Variants in SLC25A21 observed in about 807,000 individuals in gnomAD.
The protein encoded by SLC25A21 is mitochondrial 2-oxodicarboxylate carrier.
A neutral mutation model predicts 43.8 loss-of-function variants in SLC25A21; 47 were observed. That is an observed-to-expected ratio of 1.07 (90% CI 0.85 to 1.37). The LOEUF is 1.37. Ranked by LOEUF, SLC25A21 falls within the 40% of genes most tolerant of loss-of-function variation. SLC25A21 has a pLI of 0.00. For missense variants in SLC25A21, 352 were observed against 350.2 expected (o/e 1.00, Z -0.04); for synonymous variants, 131 against 121.3 (o/e 1.08, Z -0.52).
chr14:36,968,236 T>C (rs994844645), intron 1 of SLC25A21, among the ~76,000 whole-genome samples: 1 of 152,176 alleles, frequency 6.6e-6, no homozygotes, highest in Admixed American at 6.5e-5. Flanking sequence ...CTGTTATTGG[T>C]CCACATGCAA....
intron 1 of SLC25A21, among the ~76,000 whole-genome samples, chr14:37,034,937 C>T (rs1281677095): frequency 6.6e-6 from 1 of 152,180 alleles, no homozygotes; most frequent in African/African-American, 2.4e-5. Flanking sequence ...TTGGGCCAGG[C>T]CCAATCATAA....
chr14:36,740,217 T>C (rs762000945), intron 3 of SLC25A21, among the ~76,000 whole-genome samples: 5 of 152,214 alleles, frequency 3.3e-5, no homozygotes, highest in Non-Finnish European at 5.9e-5. Flanking sequence ...GTGAGAACTA[T>C]TGTTAAGAAA....
intron 3 of SLC25A21, among the ~76,000 whole-genome samples, chr14:36,766,687 A>G (rs573496932): frequency 6.6e-6 from 1 of 152,172 alleles, no homozygotes; most frequent in African/African-American, 2.4e-5. Context: ...TTCTCCATGT[A>G]TCGACTCTCA....
intron 7 of SLC25A21, among the ~76,000 whole-genome samples, chr14:36,709,786 G>A (rs1884219): frequency 0.1 from 15,366 of 151,986 alleles, 1,257 homozygotes; most frequent in East Asian, 0.47. Context: ...TGAAGAGTCT[G>A]GTTAGCCATA....
chr14:37,146,504 C>G (rs1300883570), intron 1 of SLC25A21, among the ~76,000 whole-genome samples: 2 of 152,188 alleles, frequency 1.3e-5, no homozygotes, highest in Non-Finnish European at 2.9e-5. Context: ...GACTTGGCCT[C>G]CCAAAGTGCT....
intron 6 of SLC25A21, among the ~76,000 whole-genome samples, chr14:36,724,045 C>T (rs1397257797): frequency 6.6e-6 from 1 of 152,160 alleles, no homozygotes; most frequent in Non-Finnish European, 1.5e-5. Flanking sequence ...TTAAATGCTC[C>T]ATATTAATAA....
chr14:36,790,995 T>G (rs952066539), intron 3 of SLC25A21, among the ~76,000 whole-genome samples: 1 of 152,154 alleles, frequency 6.6e-6, no homozygotes, highest in African/African-American at 2.4e-5. Context: ...TCTTTTTTTA[T>G]TGTTTCAAAA....
intron 1 of SLC25A21, among the ~76,000 whole-genome samples, chr14:37,156,057 G>A (rs1963842983): frequency 6.6e-6 from 1 of 151,796 alleles, no homozygotes; most frequent in Non-Finnish European, 1.5e-5. Context: ...TACTCAGGAG[G>A]CTGATGCAGG....
intron 1 of SLC25A21, among the ~76,000 whole-genome samples, chr14:37,109,605 A>G (rs1962981657): frequency 6.6e-6 from 1 of 152,202 alleles, no homozygotes; most frequent in Non-Finnish European, 1.5e-5. Flanking sequence ...TTGCGAAAGT[A>G]TTAATGAATG....
chr14:37,130,068 T>C (rs1251201980), intron 1 of SLC25A21, among the ~76,000 whole-genome samples: 4 of 130,688 alleles, frequency 3.1e-5, no homozygotes, highest in Non-Finnish European at 4.6e-5. Context: ...CTGGGCAACA[T>C]AGTGAGACCC....
intron 1 of SLC25A21, among the ~76,000 whole-genome samples, chr14:36,966,152 T>C (rs1431603303): frequency 2.0e-5 from 3 of 152,172 alleles, no homozygotes; most frequent in Non-Finnish European, 4.4e-5. Flanking sequence ...GTCACAGCCA[T>C]GACCAACAGC....
rs983715281 is a variant in SLC25A21 at position 36,996,091 on chromosome 14, A to T, written c.71-121087T>A. Among the ~76,000 whole-genome samples, 4 of 151,976 alleles carry T rather than the reference A, an allele frequency of 2.6e-5. 1 individual carries two copies. In the South Asian group the frequency reaches 8.3e-4, roughly 32 times the overall value. ...ACCCTCCTCCTATACTACCTCTCCA[A>T]CTATTCTGTTTTCACCATGACCATA... is the stretch of plus-strand genomic sequence containing the variant. On this transcript the variant is annotated intron_variant, in intron 1 of 9. Coordinates refer to ENST00000331299, the MANE Select transcript of SLC25A21 (RefSeq NM_030631.4).
At chr14:36,705,812 C>A (rs1279708614) in intron 7 of SLC25A21, among the ~76,000 whole-genome samples, 3 of 152,024 alleles carry the variant, frequency 2.0e-5, no homozygotes, top group Non-Finnish European at 4.4e-5. Flanking sequence ...ACAGAATGAC[C>A]AATTGCTGGG....
intron 1 of SLC25A21, among the ~76,000 whole-genome samples, chr14:36,928,560 G>A (rs2138633517): frequency 6.6e-6 from 1 of 152,218 alleles, no homozygotes; most frequent in East Asian, 1.9e-4. Flanking sequence ...TATCCACAAT[G>A]CATGCACACT....
At chr14:36,920,140 C>T (rs1891941291) in intron 1 of SLC25A21, among the ~76,000 whole-genome samples, 2 of 151,966 alleles carry the variant, frequency 1.3e-5, no homozygotes, top group African/African-American at 4.8e-5. Context: ...AATTAAGATT[C>T]TTTTTTCTAT....
At chr14:36,999,987 A>G (rs1482418733) in intron 1 of SLC25A21, among the ~76,000 whole-genome samples, 2 of 152,214 alleles carry the variant, frequency 1.3e-5, no homozygotes, top group Non-Finnish European at 2.9e-5. Flanking sequence ...CACATAGCAG[A>G]TACACCAATA....
chr14:36,823,964 T>C (rs1004559281), intron 2 of SLC25A21, among the ~76,000 whole-genome samples: 8 of 152,292 alleles, frequency 5.3e-5, no homozygotes, highest in African/African-American at 1.9e-4. Context: ...ACAGGGAATT[T>C]GAATGTAGTT....
chr14:36,760,519 T>G (rs908147391), intron 3 of SLC25A21, among the ~76,000 whole-genome samples: 1 of 152,006 alleles, frequency 6.6e-6, no homozygotes, highest in Admixed American at 6.6e-5. Context: ...GAGAGAAAAA[T>G]TGAACACCAG....
intron 7 of SLC25A21, among the ~76,000 whole-genome samples, chr14:36,707,958 T>G (rs906590557): frequency 6.6e-6 from 1 of 152,136 alleles, no homozygotes; most frequent in Non-Finnish European, 1.5e-5. Context: ...GATCCCAATT[T>G]CTACAGAAAA....
Sources: allele counts gnomAD v4.1 joint callset (sites outside exome capture counted in the v4.1 genomes callset), GRCh38; gene constraint gnomAD v4.1.1; transcripts MANE v1.5; gene names NCBI Gene and HGNC (gene_info 2026-07-23, HGNC 2026-07-21).